Variants in MBOAT1 observed in about 807,000 individuals in gnomAD.
The protein encoded by MBOAT1 is membrane-bound glycerophospholipid O-acyltransferase 1.
Under a neutral mutation model 64.4 loss-of-function variants are expected in MBOAT1, and 67 were observed. That is an observed-to-expected ratio of 1.04 (90% CI 0.85 to 1.27). The LOEUF (loss-of-function observed/expected upper bound fraction) is 1.27. Ranked by LOEUF, MBOAT1 falls within the 50% of genes most tolerant of loss-of-function variation. MBOAT1 has a pLI of 0.00. For synonymous variants in MBOAT1, 229 were observed against 218.9 expected (o/e 1.05, Z -0.41); for missense variants, 563 against 604.6 (o/e 0.93, Z 0.72).
intron 1 of MBOAT1, among the ~76,000 whole-genome samples, chr6:20,208,019 G>A (rs1763311297): frequency 6.6e-6 from 1 of 152,106 alleles, no homozygotes; most frequent in Non-Finnish European, 1.5e-5. Flanking sequence ...ATATTTAATT[G>A]ATTTAACAAT....
intron 8 of MBOAT1, among the ~76,000 whole-genome samples, chr6:20,123,410 G>C (rs914551790): frequency 2.6e-5 from 4 of 152,166 alleles, no homozygotes; most frequent in African/African-American, 4.8e-5. Flanking sequence ...CATAGACAGG[G>C]CTTCCGTACT....
Position 20,144,230 on chromosome 6 carries a change from C to A in MBOAT1, c.409G>T (p.Asp137Tyr). ...ATGTAAGATACTTACCCAGAAAAAT[C>A]CGTAGTGAGAATTCCATAGTGGAAG... ...YIFHYGILTTDFSGPLMIVTQ... is the reference protein window; with the variant it reads ...YIFHYGILTTYFSGPLMIVTQ... Residue 137 changes from aspartate (D) to tyrosine (Y), a missense_variant, in exon 4 of 13, where the codon GAT becomes TAT. Coordinates refer to ENST00000324607, the MANE Select transcript of MBOAT1 (RefSeq NM_001080480.3). 6.2e-7 allele frequency: 1 copy of A among 1,608,974 alleles called. No individual in the cohort carries two copies. The highest frequency in any genetic ancestry group is 1.1e-5 in the South Asian group (1 of 90,726).
intron 1 of MBOAT1, among the ~76,000 whole-genome samples, chr6:20,153,480 G>A (rs1761588130): frequency 6.6e-6 from 1 of 152,122 alleles, no homozygotes; most frequent in African/African-American, 2.4e-5. Flanking sequence ...TTTGGTACCT[G>A]GGAAATCAAA....
chr6:20,181,339 G>A, intron 1 of MBOAT1, among the ~76,000 whole-genome samples: 1 of 152,276 alleles, frequency 6.6e-6, no homozygotes, highest in East Asian at 1.9e-4. Flanking sequence ...CCTGCCCAGG[G>A]TGAGACCTTT....
chr6:20,172,457 T>A (rs937504014), intron 1 of MBOAT1, among the ~76,000 whole-genome samples: 3 of 151,934 alleles, frequency 2.0e-5, no homozygotes, highest in Non-Finnish European at 4.4e-5. Context: ...AAACAAAAAA[T>A]TGTTGATTCC....
chr6:20,150,839 C>A (rs1158569988), intron 3 of MBOAT1, among the ~76,000 whole-genome samples: 1 of 151,964 alleles, frequency 6.6e-6, no homozygotes, highest in Non-Finnish European at 1.5e-5. Context: ...ACCTCTGCCT[C>A]CCAAAGTGCT....
At chr6:20,198,589 C>T (rs981974149) in intron 1 of MBOAT1, among the ~76,000 whole-genome samples, 3 of 152,168 alleles carry the variant, frequency 2.0e-5, no homozygotes, top group Non-Finnish European at 2.9e-5. Flanking sequence ...TTTTGTTTAG[C>T]AATTTTCAGC....
intron 4 of MBOAT1, among the ~76,000 whole-genome samples, chr6:20,140,654 C>T (rs752547656): frequency 6.6e-6 from 1 of 152,214 alleles, no homozygotes; most frequent in Non-Finnish European, 1.5e-5. Flanking sequence ...ACCCCTAGTT[C>T]TCAGGCCTTC....
intron 1 of MBOAT1, among the ~76,000 whole-genome samples, chr6:20,201,832 G>A (rs761005491): frequency 3.3e-5 from 5 of 151,878 alleles, no homozygotes; most frequent in Non-Finnish European, 5.9e-5. Context: ...TCCACCCACC[G>A]TGGCCTCTCC....
intron 8 of MBOAT1, among the ~76,000 whole-genome samples, chr6:20,122,926 G>A (rs1760536374): frequency 6.6e-6 from 1 of 151,876 alleles, no homozygotes; most frequent in African/African-American, 2.4e-5. Context: ...CCACCTCCCC[G>A]ATTCAAGTGA....
chr6:20,167,239 T>C (rs531399142), intron 1 of MBOAT1, among the ~76,000 whole-genome samples: 2 of 152,360 alleles, frequency 1.3e-5, no homozygotes, highest in South Asian at 2.1e-4. Flanking sequence ...ATTGTATCTA[T>C]ATCTTCATGT....
At chr6:20,119,805 T>C (rs1170290150) in intron 8 of MBOAT1, among the ~76,000 whole-genome samples, 1 of 152,138 alleles carries the variant, frequency 6.6e-6, no homozygotes, top group East Asian at 1.9e-4. Flanking sequence ...AACTAATTCG[T>C]GAGTGACAGA....
rs1334128740 is a variant in MBOAT1, at chr6:20,118,495, T to C, written c.953A>G (p.Asp318Gly). Residue 318 changes from aspartate to glycine, a missense_variant, in exon 9 of 13, where the codon GAT becomes GGT. Coordinates refer to ENST00000324607, the MANE Select transcript of MBOAT1 (RefSeq NM_001080480.3). ...NAAGFGFSGV[D>G]KNGNFCWDLL... ...ATCCCAACAGAAATTCCCATTCTTA[T>C]CCACTCCGCTGAACCCAAAGCCAGC... is the stretch of plus-strand genomic sequence containing the variant. 1.9e-6 allele frequency: 3 copies of C among 1,614,060 alleles called. No individual in the cohort carries two copies. Among genetic ancestry groups the C allele is most frequent in the East Asian group, 2.2e-5 (1 of 44,886 alleles).
At chr6:20,185,647 G>T (rs541596108) in intron 1 of MBOAT1, among the ~76,000 whole-genome samples, 1 of 152,296 alleles carries the variant, frequency 6.6e-6, no homozygotes, top group South Asian at 2.1e-4. Flanking sequence ...TTTGTTTTGT[G>T]TGGAGAACGC....
chr6:20,129,119 C>G (rs1760743046), intron 5 of MBOAT1, among the ~76,000 whole-genome samples: 1 of 152,154 alleles, frequency 6.6e-6, no homozygotes, highest in African/African-American at 2.4e-5. Flanking sequence ...TTGCCTTTCA[C>G]AGGCTGCCAC....
intron 9 of MBOAT1, among the ~76,000 whole-genome samples, chr6:20,116,964 A>T (rs577842639): frequency 4.6e-5 from 7 of 152,324 alleles, no homozygotes; most frequent in African/African-American, 1.7e-4. Context: ...AAAAGGGGAA[A>T]GTCATAACAC....
intron 10 of MBOAT1, among the ~76,000 whole-genome samples, chr6:20,114,652 G>A (rs1007016629): frequency 2.0e-5 from 3 of 152,142 alleles, no homozygotes; most frequent in Non-Finnish European, 2.9e-5. Flanking sequence ...GGAGGCCAAG[G>A]TGGGTAGATC....
At chr6:20,109,838 GA>G in intron 11 of MBOAT1, 89 bp from the exon 12 acceptor site, 1 of 1,306,738 alleles carries the variant, frequency 7.7e-7, no homozygotes, top group Non-Finnish European at 1.0e-6. Flanking sequence ...TATGCCACAG[GA>G]ACATGGGCTA....
intron 1 of MBOAT1, among the ~76,000 whole-genome samples, chr6:20,164,347 T>C (rs1053240755): frequency 6.6e-6 from 1 of 152,098 alleles, no homozygotes; most frequent in African/African-American, 2.4e-5. Context: ...AGTGGGTATG[T>C]GGGATACTAA....
Sources: allele counts gnomAD v4.1 joint callset (sites outside exome capture counted in the v4.1 genomes callset), GRCh38; gene constraint gnomAD v4.1.1; transcripts MANE v1.5; gene names NCBI Gene and HGNC (gene_info 2026-07-23, HGNC 2026-07-21).